Variants in MYLK observed in about 807,000 individuals in gnomAD.
MYLK encodes myosin light chain kinase, smooth muscle.
Under a neutral mutation model 203.4 loss-of-function variants are expected in MYLK, and 106 were observed. The ratio of observed to expected loss-of-function variants is 0.52; its 90% confidence interval spans 0.45 to 0.61. The LOEUF is 0.61. Among genes scored for constraint, MYLK ranks in the 20% least tolerant of loss-of-function variants. The pLI, the probability that MYLK is intolerant of heterozygous loss-of-function variation, is 0.00. For missense variants in MYLK, 2,072 were observed against 2,442.3 expected, an observed-to-expected ratio of 0.85 and a Z score of 3.20; for synonymous variants, 867 against 959.5, an observed-to-expected ratio of 0.90 and a Z score of 1.78.
chr3:123,812,270 T>G lies in MYLK; in HGVS notation c.-3-18426A>C, dbSNP rs2065587577. ...ATTCATTATTGACAGCACCTGTTCC[T>G]TGTGATGTAAGCTTAAACCAAATGA... On this transcript the variant is annotated intron_variant, in intron 3 of 33. Transcript: ENST00000360304. 3.3e-5 allele frequency among the ~76,000 whole-genome samples: 5 copies of G among 152,194 alleles called. No homozygotes were observed. In the South Asian group the frequency reaches 1.0e-3, roughly 32 times the overall value.
intron 19 of MYLK, among the ~76,000 whole-genome samples, chr3:123,685,612 G>GAAAAAAAAAAAAAAAAAAAAA (rs59215456): frequency 8.9e-6 from 1 of 112,422 alleles, no homozygotes. Flanking sequence ...TCCAAAAAAT[G>GAAAAAAAAAAAAAAAAAAAAA]AAAAAAAAAA....
rs370292581 is a variant in MYLK, at chr3:123,763,600, C to T, written c.166-11062G>A. On this transcript the variant is annotated intron_variant, in intron 4 of 33. Transcript: ENST00000360304. ...CTTCAGAACTCTGAAGATACTGCTT[C>T]GTGGCATTTGAAGGCAATTCTGGCA... Among the ~76,000 whole-genome samples the T allele has an allele frequency of 4.1e-4, 62 of 152,174 alleles. No homozygotes were observed. In the East Asian group the frequency reaches 5.4e-3, roughly 13 times the overall value.
At chr3:123,876,983 T>C (rs1304745621) in intron 1 of MYLK, among the ~76,000 whole-genome samples, 1 of 152,246 alleles carries the variant, frequency 6.6e-6, no homozygotes, top group African/African-American at 2.4e-5. Flanking sequence ...CAGGGACTTA[T>C]TTCTAGAGAA....
At chr3:123,757,965 C>T (rs1184918684) in intron 4 of MYLK, among the ~76,000 whole-genome samples, 1 of 151,960 alleles carries the variant, frequency 6.6e-6, no homozygotes, top group Non-Finnish European at 1.5e-5. Context: ...ACCAATGGTG[C>T]TGAGGGATTA....
At position 123,626,806 on chromosome 3, in the gene MYLK, C is replaced by T; in HGVS notation, c.5238+12G>A. The T allele has an allele frequency of 6.2e-7, 1 of 1,614,156 alleles. No homozygotes were observed. Among genetic ancestry groups the T allele is most frequent in the Non-Finnish European group, 8.5e-7 (1 of 1,180,002 alleles). On this transcript the variant is annotated intron_variant, in intron 31 of 33. Transcript: ENST00000360304. ...GGGGCAACATCCCAGTCCAAAGTGA[C>T]CCTCTCATTACCTGCCATTTCCTTC...
chr3:123,801,782 T>C (rs1167075435), intron 3 of MYLK, among the ~76,000 whole-genome samples: 2 of 152,218 alleles, frequency 1.3e-5, no homozygotes, highest in African/African-American at 2.4e-5. Flanking sequence ...GGCTGCATAA[T>C]AGTCTATGGT....
At chr3:123,793,041 A>T (rs2064844194) in intron 4 of MYLK, among the ~76,000 whole-genome samples, 2 of 152,210 alleles carry the variant, frequency 1.3e-5, no homozygotes, top group African/African-American at 4.8e-5. Flanking sequence ...ACAAGCTTTC[A>T]GGAGCTCCCT....
rs1222748652 is a variant in MYLK at position 123,734,031 on chromosome 3, A to T, written c.965T>A (p.Leu322Gln). Reference protein sequence around the residue: ...SQPQPPRESKLESCKDSPRTA... With the variant: ...SQPQPPRESKQESCKDSPRTA... ...TCTGGGCGAGTCCTTGCATGACTCC[A>T]GCTTGGACTCCCTTGGGGGCTGAGG... Residue 322 changes from leucine (L) to glutamine (Q), a missense_variant, in exon 10 of 34, where the codon CTG becomes CAG. Leu to Gln is a moderately radical substitution (Grantham distance 113, BLOSUM62 -2). Coordinates refer to ENST00000360304, the MANE Select transcript of MYLK (RefSeq NM_053025.4). The T allele has an allele frequency of 6.2e-7, 1 of 1,614,192 alleles. No homozygotes were observed. The highest frequency in any genetic ancestry group is 2.2e-5 in the East Asian group (1 of 44,860).
At chr3:123,869,087 C>G (rs1457988281) in intron 2 of MYLK, among the ~76,000 whole-genome samples, 1 of 152,134 alleles carries the variant, frequency 6.6e-6, no homozygotes, top group Non-Finnish European at 1.5e-5. Flanking sequence ...AATGAGGCCT[C>G]AGTCTGGGGT....
intron 20 of MYLK, among the ~76,000 whole-genome samples, chr3:123,667,804 C>A (rs965271563): frequency 5.9e-5 from 9 of 152,128 alleles, no homozygotes; most frequent in Admixed American, 1.3e-4. Context: ...GATAATGCCA[C>A]ACTCATTAAC....
intron 4 of MYLK, among the ~76,000 whole-genome samples, chr3:123,757,996 C>G (rs1162247839): frequency 2.0e-5 from 3 of 151,946 alleles, no homozygotes; most frequent in African/African-American, 4.8e-5. Flanking sequence ...AATCAATCTT[C>G]TTCTGCCCCA....
At chr3:123,633,621 A>C (rs1428813999) in intron 29 of MYLK, among the ~76,000 whole-genome samples, 1 of 152,148 alleles carries the variant, frequency 6.6e-6, no homozygotes, top group South Asian at 2.1e-4. Context: ...GTACAGCCAG[A>C]CTCTACATGT....
Position 123,733,772 on chromosome 3 carries a change from C to G in MYLK, c.1224G>C (p.Gln408His), listed in dbSNP as rs1230008907. 1 of 1,614,236 alleles carries G rather than the reference C, an allele frequency of 6.2e-7. No homozygotes were observed. The highest frequency in any genetic ancestry group is 1.7e-5 in the Admixed American group (1 of 60,028). ...AANRRIPMEG[Q>H]RDSAFPKFES... ...CAAATTTGGGGAATGCTGAATCCCT[C>G]TGGCCCTCCATGGGGATTCTCCTGT... Residue 408 changes from glutamine to histidine, a missense_variant, in exon 10 of 34, where the codon CAG becomes CAC. This residue lies in a region of MYLK where 683 missense variants were observed against 643.8 expected (regional missense o/e 1.06). Transcript: ENST00000360304.
intron 22 of MYLK, 81 bp downstream of exon 22, chr3:123,666,138 G>C: frequency 1.2e-6 from 2 of 1,607,424 alleles, no homozygotes; most frequent in African/African-American, 2.7e-5. Flanking sequence ...TCTCCAGCAC[G>C]GCATTTCTCA....
At chr3:123,644,608 A>C (rs1576414544) in intron 27 of MYLK, 1 of 152,096 alleles carries the variant, frequency 6.6e-6, no homozygotes, top group Non-Finnish European at 1.5e-5. Context: ...CACCCTCTCA[A>C]CTTGCTCAAG....
At chr3:123,877,226 T>G (rs1577169195) in intron 1 of MYLK, among the ~76,000 whole-genome samples, 1 of 151,926 alleles carries the variant, frequency 6.6e-6, no homozygotes, top group Non-Finnish European at 1.5e-5. Context: ...AGTGTGGGGG[T>G]GGCTGCTATG....
At chr3:123,786,303 C>CAA (rs906697308) in intron 4 of MYLK, among the ~76,000 whole-genome samples, 2 of 120,724 alleles carry the variant, frequency 1.7e-5, no homozygotes, top group African/African-American at 3.1e-5. Flanking sequence ...GACTCCATCT[C>CAA]AAAAAAAAAA....
chr3:123,768,910 C>A lies in MYLK; in HGVS notation c.166-16372G>T, dbSNP rs561867111. 5.3e-5 allele frequency among the ~76,000 whole-genome samples: 8 copies of A among 152,348 alleles called. No individual in the cohort carries two copies. The South Asian group carries it at 1.4e-3, about 28-fold the overall frequency. On this transcript the variant is annotated intron_variant, in intron 4 of 33. Coordinates refer to ENST00000360304, the MANE Select transcript of MYLK (RefSeq NM_053025.4). ...CGCAAGTGCACTCTCCCCCTCTCTG[C>A]CTGCTTCTCCAGGACCACTTGCTCT... is the stretch of plus-strand genomic sequence containing the variant.
intron 33 of MYLK, chr3:123,617,394 A>T (rs2057562819): frequency 6.6e-6 from 1 of 152,246 alleles, no homozygotes; most frequent in Non-Finnish European, 1.5e-5. Context: ...CAGAATCCCC[A>T]GTCCGAGAAT....
Sources: allele counts gnomAD v4.1 joint callset (sites outside exome capture counted in the v4.1 genomes callset), GRCh38; gene constraint gnomAD v4.1.1; regional missense constraint gnomAD v4.1.1; transcripts MANE v1.5; gene names NCBI Gene and HGNC (gene_info 2026-07-23, HGNC 2026-07-21).